The following SEC14L5 variants were observed in gnomAD, a reference collection of about 807,000 sequenced individuals.
SEC14L5 encodes SEC14-like protein 5.
SEC14L5 carries 96 observed loss-of-function variants against 84.6 expected under a neutral mutation model. That is an observed-to-expected ratio of 1.13 (90% confidence interval 0.96 to 1.34). The LOEUF is 1.34. SEC14L5 is among the 40% of genes most tolerant of loss of function. SEC14L5 has a pLI of 0.00. For missense variants in SEC14L5, 1,224 were observed against 942.5 expected, an observed-to-expected ratio of 1.30 and a Z score of -3.91; for synonymous variants, 546 against 383.4, an observed-to-expected ratio of 1.42 and a Z score of -4.95.
At position 4,986,018 on chromosome 16, in the gene SEC14L5, G is replaced by C. The variant is rs180834770; in HGVS notation, c.64-1539G>C. Among the ~76,000 whole-genome samples, 9 of 152,016 alleles carry C rather than the reference G, an allele frequency of 5.9e-5. No homozygotes were observed. In the East Asian group the frequency reaches 1.5e-3, roughly 26 times the overall value. ...TCATAAGGTAATTCTATGTTTAACT[G>C]TTTGAAGAACTGCCAAGCCATTTTC... On this transcript the variant is annotated intron_variant, in intron 2 of 15. Coordinates refer to ENST00000251170, the MANE Select transcript of SEC14L5 (RefSeq NM_014692.2).
chr16:4,984,853 T>G (rs1955466708), intron 2 of SEC14L5, among the ~76,000 whole-genome samples: 1 of 152,246 alleles, frequency 6.6e-6, no homozygotes, highest in African/African-American at 2.4e-5. Context: ...GGGAAATGTC[T>G]GTTGAGATCT....
At chr16:4,964,761 C>T (rs1955176066) in intron 2 of SEC14L5, among the ~76,000 whole-genome samples, 1 of 151,898 alleles carries the variant, frequency 6.6e-6, no homozygotes. Flanking sequence ...GATACGGGGT[C>T]TCACTGTCAC....
At position 5,016,512 on chromosome 16, in the gene SEC14L5, C is replaced by G. The variant is rs996342705; in HGVS notation, c.*1542C>G. The stretch of plus-strand genomic sequence containing the variant: ...ACCCCTGGATGTGGCCACGCCAGTC[C>G]CTACCCCATTGACTTGCGCCCAGCC... On this transcript the variant is annotated 3_prime_UTR_variant, in exon 16 of 16. Coordinates refer to ENST00000251170, the MANE Select transcript of SEC14L5 (RefSeq NM_014692.2). 1.2e-4 allele frequency: 19 copies of G among 152,328 alleles called. No homozygotes were observed. Among genetic ancestry groups the G allele is most frequent in the African/African-American group, 3.6e-4 (15 of 41,546 alleles). 9.4% of individuals were successfully genotyped at this position (152,328 alleles called of 1,614,324 possible).
At chr16:4,974,083 G>C (rs960980845) in intron 2 of SEC14L5, among the ~76,000 whole-genome samples, 2 of 152,138 alleles carry the variant, frequency 1.3e-5, no homozygotes, top group African/African-American at 4.8e-5. Flanking sequence ...GGGGTGGCAG[G>C]GGAGGGGGCG....
chr16:5,014,376 C>T (rs1305809219), intron 15 of SEC14L5, among the ~76,000 whole-genome samples: 1 of 152,144 alleles, frequency 6.6e-6, no homozygotes, highest in Non-Finnish European at 1.5e-5. Context: ...TAGTGAGAGC[C>T]CCGTCTCTAT....
At chr16:5,007,266 T>TG (rs373900623) in intron 12 of SEC14L5, 86 bp from the exon 13 acceptor site, 1 of 1,318,934 alleles carries the variant, frequency 7.6e-7, no homozygotes, top group East Asian at 2.4e-5. Flanking sequence ...TGAGTGGCTT[T>TG]GGGGGTCACA....
At chr16:4,964,055 A>G (rs1420857829) in intron 2 of SEC14L5, among the ~76,000 whole-genome samples, 2 of 152,176 alleles carry the variant, frequency 1.3e-5, no homozygotes, top group Non-Finnish European at 2.9e-5. Context: ...ATCTTGGTAA[A>G]CAGAGAAAAA....
intron 2 of SEC14L5, among the ~76,000 whole-genome samples, chr16:4,983,990 C>T (rs1419716383): frequency 6.6e-6 from 1 of 152,092 alleles, no homozygotes; most frequent in African/African-American, 2.4e-5. Flanking sequence ...GAGAGAAAGA[C>T]ACTTTTTTAA....
At chr16:4,989,327 G>GTTTTTTTT (rs5815223) in intron 4 of SEC14L5, among the ~76,000 whole-genome samples, 1 of 136,460 alleles carries the variant, frequency 7.3e-6, no homozygotes, top group Non-Finnish European at 1.6e-5. Flanking sequence ...TGTTTGTTTT[G>GTTTTTTTT]TTTTTTTTTT....
Position 4,996,971 on chromosome 16 carries a change from C to A in SEC14L5, c.897C>A (p.Leu299=). ...GGCGCAAGCAGCACCAGGTGGATCT[C>A]CTCCTTCAGACCTGGCAACCCCCTG... The part of the protein sequence containing the change: ...LSWRKQHQVD[L]LLQTWQPPAL... Residue 299 remains leucine (L), a synonymous_variant, in exon 8 of 16, where the codon CTC becomes CTA. Transcript: ENST00000251170. The A allele has an allele frequency of 6.2e-7, 1 of 1,613,636 alleles. No homozygotes were observed. Among genetic ancestry groups the A allele is most frequent in the South Asian group, 1.1e-5 (1 of 91,010 alleles).
intron 2 of SEC14L5, among the ~76,000 whole-genome samples, chr16:4,974,735 C>G (rs905690499): frequency 1.5e-4 from 23 of 152,004 alleles, no homozygotes; most frequent in African/African-American, 5.3e-4. Flanking sequence ...CTTCCCCTCC[C>G]AAGTCCCCAA....
intron 2 of SEC14L5, among the ~76,000 whole-genome samples, chr16:4,970,799 A>C (rs149947808): frequency 2.0e-4 from 31 of 152,326 alleles, no homozygotes; most frequent in Admixed American, 3.9e-4. Flanking sequence ...CCAAGTGTGC[A>C]GAAGTAGGAA....
intron 2 of SEC14L5, among the ~76,000 whole-genome samples, chr16:4,965,524 G>A (rs946744665): frequency 3.3e-5 from 5 of 151,488 alleles, no homozygotes; most frequent in Admixed American, 2.6e-4. Flanking sequence ...AGCCGGGTGT[G>A]GTGGCGGGCG....
intron 15 of SEC14L5, among the ~76,000 whole-genome samples, chr16:5,014,331 C>T (rs1159505137): frequency 2.6e-5 from 4 of 152,138 alleles, no homozygotes; most frequent in Non-Finnish European, 5.9e-5. Flanking sequence ...CGAGGATCTC[C>T]TGATCCCAGG....
chr16:4,996,466 T>A lies in SEC14L5; in HGVS notation c.780+6T>A. 1.3e-6 allele frequency: 2 copies of A among 1,519,802 alleles called. No individual in the cohort carries two copies. Among genetic ancestry groups the A allele is most frequent in the Admixed American group, 1.9e-5 (1 of 51,708 alleles). 94.1% of individuals were successfully genotyped at this position (1,519,802 alleles called of 1,614,324 possible). ...AGGAGACCCACAAAGGCAAGGTGGG[T>A]GCAGGGGGTACCCTGGAGCAGTGGA... On this transcript the variant is annotated splice_donor_region_variant and intron_variant, in intron 7 of 15. Coordinates refer to ENST00000251170, the MANE Select transcript of SEC14L5 (RefSeq NM_014692.2).
intron 10 of SEC14L5, among the ~76,000 whole-genome samples, chr16:5,001,314 A>T (rs977565655): frequency 6.9e-6 from 1 of 144,776 alleles, no homozygotes; most frequent in Non-Finnish European, 1.5e-5. Context: ...GCTGGAGTGC[A>T]GCGGTGCAAT....
intron 2 of SEC14L5, 93 bp downstream of exon 2, chr16:4,959,479 C>T (rs1186980722): frequency 1.9e-6 from 2 of 1,077,960 alleles, no homozygotes; most frequent in African/African-American, 1.5e-5. Context: ...CTTAGACTCC[C>T]AGATCAGAAG....
intron 4 of SEC14L5, among the ~76,000 whole-genome samples, chr16:4,989,180 T>C (rs1955526061): frequency 6.6e-6 from 1 of 152,222 alleles, no homozygotes; most frequent in Admixed American, 6.5e-5. Flanking sequence ...ACTTTCTTGC[T>C]GAGTGACGTT....
intron 12 of SEC14L5, among the ~76,000 whole-genome samples, chr16:5,006,425 C>G (rs1309565632): frequency 6.6e-6 from 1 of 152,192 alleles, no homozygotes; most frequent in East Asian, 1.9e-4. Flanking sequence ...TCGAATGTAT[C>G]TGCAGCTCTG....
Sources: allele counts gnomAD v4.1 joint callset (sites outside exome capture counted in the v4.1 genomes callset), GRCh38; gene constraint gnomAD v4.1.1; transcripts MANE v1.5; gene names NCBI Gene and HGNC (gene_info 2026-07-23, HGNC 2026-07-21).